RBFOX1: variants seen among roughly 807,000 people sequenced by gnomAD.
RBFOX1 encodes RNA binding protein fox-1 homolog 1.
A neutral mutation model predicts 57.7 loss-of-function variants in RBFOX1; 8 were observed. The observed-to-expected ratio is 0.14, with a 90% CI of 0.08 to 0.25. The LOEUF (loss-of-function observed/expected upper bound fraction) is 0.25. Ranked by LOEUF, RBFOX1 falls within the 10% of genes least tolerant of loss-of-function variation. The pLI is 1.00. For synonymous variants in RBFOX1, 326 were observed against 222.4 expected, an observed-to-expected ratio of 1.47 and a Z score of -4.15; for missense variants, 611 against 548.5, an observed-to-expected ratio of 1.11 and a Z score of -1.14.
At chr16:6,248,467 G>A (rs553359233) in intron 1 of RBFOX1, among the ~76,000 whole-genome samples, 24 of 152,268 alleles carry the variant, frequency 1.6e-4, no homozygotes, top group Admixed American at 1.4e-3. Context: ...TGTAGTCACA[G>A]CTACTAAGAG....
chr16:6,050,914 G>T (rs191934549), intron 1 of RBFOX1, among the ~76,000 whole-genome samples: 3 of 150,252 alleles, frequency 2.0e-5, no homozygotes, highest in African/African-American at 7.4e-5. Context: ...ATCATCAACC[G>T]GTGAGAGCTT....
intron 4 of RBFOX1, among the ~76,000 whole-genome samples, chr16:7,433,290 C>G (rs542916292): frequency 3.3e-5 from 5 of 152,308 alleles, no homozygotes; most frequent in Non-Finnish European, 7.4e-5. Flanking sequence ...AGTTCTAATT[C>G]AAACCCTAAG....
At chr16:6,055,590 C>CAAAAAA (rs35872547) in intron 1 of RBFOX1, among the ~76,000 whole-genome samples, 1 of 65,572 alleles carries the variant, frequency 1.5e-5, no homozygotes, top group Non-Finnish European at 2.6e-5. Context: ...GAGACTCCGT[C>CAAAAAA]AAAAAAAAAA....
At chr16:6,087,076 GAA>G (rs918664130) in intron 1 of RBFOX1, among the ~76,000 whole-genome samples, 2 of 152,144 alleles carry the variant, frequency 1.3e-5, no homozygotes, top group African/African-American at 2.4e-5. Context: ...GTCCCAAAAG[GAA>G]AAGAGACAAA....
intron 4 of RBFOX1, among the ~76,000 whole-genome samples, chr16:7,512,641 G>A (rs1193429982): frequency 6.6e-6 from 1 of 152,176 alleles, no homozygotes; most frequent in Non-Finnish European, 1.5e-5. Context: ...AGTCCCTAGA[G>A]CATGGTGCTC....
At chr16:7,231,644 C>G (rs952238886) in intron 4 of RBFOX1, among the ~76,000 whole-genome samples, 1 of 152,186 alleles carries the variant, frequency 6.6e-6, no homozygotes, top group African/African-American at 2.4e-5. Flanking sequence ...ACCCAAATGC[C>G]TATCAATAAA....
chr16:7,115,794 G>T (rs2065778345), intron 4 of RBFOX1, among the ~76,000 whole-genome samples: 1 of 152,186 alleles, frequency 6.6e-6, no homozygotes, highest in South Asian at 2.1e-4. Context: ...GCCCCGAAGG[G>T]GAGGGAGTTA....
chr16:6,909,475 A>G (rs968734884), intron 3 of RBFOX1, among the ~76,000 whole-genome samples: 1 of 152,344 alleles, frequency 6.6e-6, no homozygotes, highest in Non-Finnish European at 1.5e-5. Context: ...CGATGCAGGC[A>G]TCTTTGGCAT....
chr16:7,631,638 G>A (rs754168304), intron 11 of RBFOX1, among the ~76,000 whole-genome samples: 1 of 152,274 alleles, frequency 6.6e-6, no homozygotes, highest in Non-Finnish European at 1.5e-5. Flanking sequence ...TGCCTGGAGT[G>A]GGGGTGGGGC....
At chr16:5,907,735 TCA>T (rs2058496246) in intron 4 of RBFOX1, among the ~76,000 whole-genome samples, 1 of 149,068 alleles carries the variant, frequency 6.7e-6, no homozygotes, top group African/African-American at 2.6e-5. Context: ...ATCATCATCA[TCA>T]TCATCATCAT....
intron 2 of RBFOX1, among the ~76,000 whole-genome samples, chr16:6,419,845 C>G (rs1480332079): frequency 6.6e-6 from 1 of 152,266 alleles, no homozygotes. Flanking sequence ...TGATCTCAAA[C>G]TGAGTTAATT....
intron 2 of RBFOX1, among the ~76,000 whole-genome samples, 200 bp downstream of exon 2, chr16:6,317,257 TC>T (rs1214765317): frequency 2.0e-5 from 3 of 152,122 alleles, no homozygotes; most frequent in African/African-American, 7.2e-5. Flanking sequence ...TAGCCCTCCC[TC>T]CCCAATGAAC....
intron 1 of RBFOX1, among the ~76,000 whole-genome samples, chr16:5,295,210 C>G (rs1365695166): frequency 6.6e-6 from 1 of 151,978 alleles, no homozygotes; most frequent in Non-Finnish European, 1.5e-5. Context: ...AGCATCACAG[C>G]CTGGCATAAC....
intron 4 of RBFOX1, among the ~76,000 whole-genome samples, chr16:7,191,285 G>C (rs1358932135): frequency 6.6e-6 from 1 of 150,992 alleles, no homozygotes. Flanking sequence ...ACATCAGAAA[G>C]TTGCTTTTTT....
chr16:6,640,776 C>T (rs2098481123), intron 2 of RBFOX1, among the ~76,000 whole-genome samples: 1 of 152,062 alleles, frequency 6.6e-6, no homozygotes, highest in Non-Finnish European at 1.5e-5. Context: ...TCTGGTTTTT[C>T]CTTCAGTTGG....
At chr16:7,013,048 A>T (rs913865085) in intron 3 of RBFOX1, among the ~76,000 whole-genome samples, 1 of 152,086 alleles carries the variant, frequency 6.6e-6, no homozygotes, top group African/African-American at 2.4e-5. Context: ...TCTCCTTTTA[A>T]GGGCAGTAAT....
At chr16:6,868,767 G>A (rs117042368) in intron 3 of RBFOX1, among the ~76,000 whole-genome samples, 1,844 of 152,186 alleles carry the variant, frequency 0.012, 20 homozygotes, top group Non-Finnish European at 0.02. Flanking sequence ...CATTGCACCC[G>A]GCCAGTATTT....
intron 4 of RBFOX1, among the ~76,000 whole-genome samples, chr16:7,320,820 C>G (rs1023926334): frequency 7.2e-5 from 11 of 152,186 alleles, no homozygotes; most frequent in Non-Finnish European, 1.5e-4. Flanking sequence ...TTAGAGCAAC[C>G]GCACAACAAC....
chr16:7,601,190 C>A (rs8045980), intron 9 of RBFOX1, among the ~76,000 whole-genome samples: 73,749 of 152,032 alleles, frequency 0.49, 21,441 homozygotes, highest in Non-Finnish European at 0.64. Context: ...CTTTGTTGCC[C>A]GGATCAGTTC....
Sources: gnomAD v4.1 joint callset for allele counts (sites outside exome capture counted in the v4.1 genomes callset) on GRCh38, gnomAD v4.1.1 for gene constraint, MANE v1.5 for transcripts, NCBI Gene and HGNC (gene_info 2026-07-23, HGNC 2026-07-21) for gene names.